Variants in DHRSX observed in about 807,000 individuals in gnomAD.
DHRSX encodes polyprenol dehydrogenase.
DHRSX carries 31 observed loss-of-function variants against 34.0 expected under a neutral mutation model. That is an observed-to-expected ratio of 0.91 (90% CI 0.69 to 1.23). The LOEUF (loss-of-function observed/expected upper bound fraction) is 1.23, where lower values mean the gene tolerates loss of function less well. DHRSX is among the 50% of genes most tolerant of loss of function. DHRSX has a pLI of 0.00. For missense variants in DHRSX, 414 were observed against 428.1 expected, an observed-to-expected ratio of 0.97 and a Z score of 0.29; for synonymous variants, 201 against 183.8, an observed-to-expected ratio of 1.09 and a Z score of -0.76.
intron 3 of DHRSX, among the ~76,000 whole-genome samples, chrX:2,362,742 C>T (rs756085978): frequency 5.3e-5 from 8 of 151,866 alleles, no homozygotes; most frequent in East Asian, 3.9e-4. Context: ...ATTTTATCAC[C>T]GTTCTATGGT....
At chrX:2,324,348 C>A (rs2042350566) in intron 3 of DHRSX, among the ~76,000 whole-genome samples, 1 of 152,108 alleles carries the variant, frequency 6.6e-6, no homozygotes, top group African/African-American at 2.4e-5. Flanking sequence ...GGCTCTCACT[C>A]CTCTCTCTCA....
intron 6 of DHRSX, among the ~76,000 whole-genome samples, chrX:2,241,607 C>T (rs916944626): frequency 1.3e-5 from 2 of 152,062 alleles, no homozygotes; most frequent in Non-Finnish European, 2.9e-5. Context: ...TGCAGAGACT[C>T]GTCATAAACC....
At chrX:2,282,539 T>A (rs897834983) in intron 4 of DHRSX, among the ~76,000 whole-genome samples, 2 of 105,538 alleles carry the variant, frequency 1.9e-5, no homozygotes, top group African/African-American at 7.6e-5. Flanking sequence ...AGAAAGGAGA[T>A]AGGGAGAAGA....
At chrX:2,489,889 C>T in intron 1 of DHRSX, 1 of 1,613,880 alleles carries the variant, frequency 6.2e-7, no homozygotes, top group South Asian at 1.1e-5. Context: ...GGGAGCACGC[C>T]TTCACGATGT....
intron 1 of DHRSX, chrX:2,488,535 G>T: frequency 7.2e-7 from 1 of 1,390,464 alleles, no homozygotes; most frequent in Non-Finnish European, 9.6e-7. Flanking sequence ...GACAGTGGAT[G>T]GTCTCTGAGG....
chrX:2,329,810 A>G (rs73189610), intron 3 of DHRSX, among the ~76,000 whole-genome samples: 62,591 of 151,670 alleles, frequency 0.41, 14,754 homozygotes, highest in Non-Finnish European at 0.54. Context: ...CAACCCACGA[A>G]GCAAATGCCA....
intron 3 of DHRSX, among the ~76,000 whole-genome samples, chrX:2,317,909 T>C (rs2042259959): frequency 6.6e-6 from 1 of 152,196 alleles, no homozygotes; most frequent in Non-Finnish European, 1.5e-5. Context: ...TTAATTTACA[T>C]TGTCAGGGAG....
chrX:2,369,049 G>T (rs1603016132), intron 3 of DHRSX, among the ~76,000 whole-genome samples: 1 of 152,284 alleles, frequency 6.6e-6, no homozygotes, highest in South Asian at 2.1e-4. Flanking sequence ...TTTTCAGGGT[G>T]TCTCATTTCT....
At chrX:2,436,797 A>G (rs1478772301) in intron 1 of DHRSX, among the ~76,000 whole-genome samples, 15 of 151,464 alleles carry the variant, frequency 9.9e-5, no homozygotes, top group African/African-American at 3.4e-4. Flanking sequence ...ATGCCCCACT[A>G]ATTTATTTTT....
chrX:2,357,826 A>G (rs1329537077), intron 3 of DHRSX, among the ~76,000 whole-genome samples: 1 of 152,152 alleles, frequency 6.6e-6, no homozygotes, highest in African/African-American at 2.4e-5. Flanking sequence ...AAAGACAGGC[A>G]CTGTGTGTCA....
intron 3 of DHRSX, among the ~76,000 whole-genome samples, chrX:2,340,554 C>T (rs66534337): frequency 0.33 from 50,293 of 151,822 alleles, 11,868 homozygotes; most frequent in African/African-American, 0.67. Context: ...CACACGTTCA[C>T]GGACATTATT....
In DHRSX at chrX:2,395,562, C is replaced by T. The variant is rs756581680; in HGVS notation, c.286+13183G>A. 3.0e-4 allele frequency among the ~76,000 whole-genome samples: 46 copies of T among 152,242 alleles called. 3 individuals are homozygous for T. The highest frequency in any genetic ancestry group is 2.0e-3 in the Admixed American group (31 of 15,294). ...TGTAGCGCCTCCTGTCATGCCCCAT[C>T]GGTGACCAGAGAGGACTGAGTAAGG... On this transcript the variant is annotated intron_variant, in intron 3 of 6. Transcript: ENST00000334651.
chrX:2,270,435 A>C (rs185392062), intron 4 of DHRSX, among the ~76,000 whole-genome samples: 1 of 152,260 alleles, frequency 6.6e-6, no homozygotes, highest in African/African-American at 2.4e-5. Context: ...TCCCGAAGAG[A>C]CAAGTGTGAA....
intron 3 of DHRSX, among the ~76,000 whole-genome samples, chrX:2,360,476 G>C (rs909384282): frequency 2.0e-5 from 3 of 152,062 alleles, no homozygotes; most frequent in Non-Finnish European, 4.4e-5. Context: ...CCAGCTACTT[G>C]GGAGGCTGAG....
chrX:2,276,770 A>AGAG (rs1466649758), intron 4 of DHRSX, among the ~76,000 whole-genome samples: 2 of 141,996 alleles, frequency 1.4e-5, no homozygotes, highest in East Asian at 2.2e-4. Flanking sequence ...GAGGGCAAAG[A>AGAG]AGGAAGAGAG....
chrX:2,295,480 C>T (rs776872803), intron 3 of DHRSX, among the ~76,000 whole-genome samples: 147 of 152,130 alleles, frequency 9.7e-4, no homozygotes, highest in African/African-American at 3.4e-3. Context: ...ATGTAGATGA[C>T]GGGTCGATGG....
intron 1 of DHRSX, chrX:2,488,563 C>A: frequency 6.7e-7 from 1 of 1,502,358 alleles, no homozygotes; most frequent in South Asian, 1.4e-5. Context: ...CCAAGCTGAC[C>A]GGGTAAGTAT....
At chrX:2,254,725 C>A (rs759006058) in intron 5 of DHRSX, among the ~76,000 whole-genome samples, 1 of 152,148 alleles carries the variant, frequency 6.6e-6, no homozygotes, top group East Asian at 1.9e-4. Flanking sequence ...CGGCTCACTG[C>A]AATCTCCGCC....
intron 3 of DHRSX, among the ~76,000 whole-genome samples, chrX:2,389,781 A>T (rs1453750853): frequency 6.7e-6 from 1 of 149,244 alleles, no homozygotes; most frequent in Non-Finnish European, 1.5e-5. Flanking sequence ...TACTTATTTT[A>T]TTTTTTTTTT....
Sources: gnomAD v4.1 joint callset for allele counts (sites outside exome capture counted in the v4.1 genomes callset) on GRCh38, gnomAD v4.1.1 for gene constraint, MANE v1.5 for transcripts, NCBI Gene and HGNC (gene_info 2026-07-23, HGNC 2026-07-21) for gene names.